The following PRKG1 variants were observed in gnomAD, a reference collection of about 807,000 sequenced individuals.
PRKG1 encodes the protein cGMP-dependent protein kinase 1.
PRKG1 carries 35 observed loss-of-function variants against 88.1 expected under a neutral mutation model. That is an observed-to-expected ratio of 0.40 (90% CI 0.30 to 0.53). The LOEUF is 0.53. Among genes scored for constraint, PRKG1 ranks in the 20% least tolerant of loss-of-function variants. The pLI is 0.59. For missense variants in PRKG1, 540 were observed against 839.8 expected (o/e 0.64, Z 4.41); for synonymous variants, 303 against 292.5 (o/e 1.04, Z -0.37).
intron 2 of PRKG1, among the ~76,000 whole-genome samples, chr10:51,291,708 C>G (rs1840588298): frequency 6.6e-6 from 1 of 152,120 alleles, no homozygotes; most frequent in Admixed American, 6.6e-5. Flanking sequence ...TGGATGTTAG[C>G]TAAAACAGAT....
intron 2 of PRKG1, among the ~76,000 whole-genome samples, chr10:51,360,461 T>C (rs1842455580): frequency 6.6e-6 from 1 of 152,004 alleles, no homozygotes; most frequent in Admixed American, 6.6e-5. Flanking sequence ...TTTCAAGTTC[T>C]AGCTCTGCCT....
chr10:51,731,153 CAACAAACAAACA>C (rs545948349), intron 3 of PRKG1, among the ~76,000 whole-genome samples: 3 of 151,924 alleles, frequency 2.0e-5, no homozygotes, highest in African/African-American at 7.3e-5. Flanking sequence ...CAAAGAAAAA[CAACAAACAAACA>C]AACAAACAAA....
At chr10:51,259,454 G>A (rs1227402739) in intron 2 of PRKG1, among the ~76,000 whole-genome samples, 1 of 152,100 alleles carries the variant, frequency 6.6e-6, no homozygotes, top group Non-Finnish European at 1.5e-5. Context: ...CCTATGGGTT[G>A]GTATCAACCC....
At chr10:51,130,015 G>T (rs1180262457) in intron 1 of PRKG1, among the ~76,000 whole-genome samples, 6 of 152,094 alleles carry the variant, frequency 3.9e-5, no homozygotes, top group Admixed American at 3.3e-4. Flanking sequence ...CTTCTGAGGT[G>T]GACCTTCAAG....
chr10:51,005,753 C>T (rs1297593301), intron 1 of PRKG1, among the ~76,000 whole-genome samples: 2 of 152,186 alleles, frequency 1.3e-5, no homozygotes, highest in Non-Finnish European at 2.9e-5. Flanking sequence ...CAGGGAAAGA[C>T]ACTGGAATTG....
At chr10:51,047,341 G>A (rs945391630) in intron 1 of PRKG1, among the ~76,000 whole-genome samples, 1 of 152,150 alleles carries the variant, frequency 6.6e-6, no homozygotes, top group Non-Finnish European at 1.5e-5. Context: ...CTGTACTTAT[G>A]AGGTTTTTGT....
intron 2 of PRKG1, among the ~76,000 whole-genome samples, chr10:51,350,528 A>T (rs1842216554): frequency 6.6e-6 from 1 of 152,200 alleles, no homozygotes; most frequent in Non-Finnish European, 1.5e-5. Context: ...TTTAGAAAGG[A>T]GGCCCACTTT....
chr10:51,531,808 C>T (rs1842025035), intron 3 of PRKG1, among the ~76,000 whole-genome samples: 1 of 151,778 alleles, frequency 6.6e-6, no homozygotes, highest in East Asian at 1.9e-4. Flanking sequence ...CTGTGCCCGG[C>T]TAATTTTTGT....
chr10:51,497,809 A>C (rs1310137901), intron 3 of PRKG1, among the ~76,000 whole-genome samples: 1 of 152,154 alleles, frequency 6.6e-6, no homozygotes, highest in East Asian at 1.9e-4. Flanking sequence ...ATTAACCCAA[A>C]TTTGGTTATC....
intron 3 of PRKG1, among the ~76,000 whole-genome samples, chr10:51,592,835 A>G (rs566380610): frequency 6.6e-6 from 1 of 152,328 alleles, no homozygotes; most frequent in African/African-American, 2.4e-5. Context: ...TGAAGGGAAC[A>G]TATAGAATGT....
intron 9 of PRKG1, among the ~76,000 whole-genome samples, chr10:52,213,549 G>A (rs1246594287): frequency 1.3e-5 from 2 of 152,192 alleles, no homozygotes; most frequent in Non-Finnish European, 2.9e-5. Context: ...GACATAGGAT[G>A]TGCTTTGTTG....
At chr10:51,966,710 A>G (rs1843575687) in intron 5 of PRKG1, among the ~76,000 whole-genome samples, 2 of 152,208 alleles carry the variant, frequency 1.3e-5, no homozygotes, top group East Asian at 1.9e-4. Context: ...TATTTGTGCA[A>G]AAGAGTCACC....
chr10:51,206,490 TAAAAA>T (rs772696558), intron 2 of PRKG1, among the ~76,000 whole-genome samples: 1 of 126,176 alleles, frequency 7.9e-6, no homozygotes. Flanking sequence ...AAACTCCATC[TAAAAA>T]AAAAAAAAAA....
At chr10:51,501,691 A>T (rs10508946) in intron 3 of PRKG1, among the ~76,000 whole-genome samples, 34,545 of 151,970 alleles carry the variant, frequency 0.23, 4,637 homozygotes, top group Non-Finnish European at 0.31. Flanking sequence ...TTCCTTTAGA[A>T]CTGATGTTAT....
At chr10:51,069,685 TATC>T (rs1289830437), upstream of PRKG1, among the ~76,000 whole-genome samples, 3 of 152,112 alleles carry the variant, frequency 2.0e-5, no homozygotes, top group Non-Finnish European at 4.4e-5. Context: ...TAATAGGTAT[TATC>T]ATTACAGATC....
intron 2 of PRKG1, among the ~76,000 whole-genome samples, chr10:51,310,889 G>A (rs1262108512): frequency 2.0e-5 from 3 of 152,150 alleles, no homozygotes; most frequent in Non-Finnish European, 4.4e-5. Flanking sequence ...GGGAAAGACA[G>A]GTGCAAACTG....
intron 2 of PRKG1, among the ~76,000 whole-genome samples, chr10:51,307,337 G>T (rs1348526463): frequency 1.3e-5 from 2 of 152,042 alleles, no homozygotes; most frequent in Admixed American, 6.6e-5. Flanking sequence ...AGAAAAAGAA[G>T]CTGAGAAGAC....
intron 3 of PRKG1, among the ~76,000 whole-genome samples, chr10:51,712,110 T>C (rs1170987018): frequency 6.6e-6 from 1 of 152,208 alleles, no homozygotes; most frequent in Non-Finnish European, 1.5e-5. Context: ...AATTTTATGC[T>C]AAGTTTGATG....
chr10:51,728,267 A>T (rs557176089), intron 3 of PRKG1, among the ~76,000 whole-genome samples: 1 of 152,188 alleles, frequency 6.6e-6, no homozygotes, highest in South Asian at 2.1e-4. Context: ...CTGTACTAAG[A>T]TATTGCCTAT....
Sources: allele counts gnomAD v4.1 joint callset (sites outside exome capture counted in the v4.1 genomes callset), GRCh38; gene constraint gnomAD v4.1.1; transcripts MANE v1.5; gene names NCBI Gene and HGNC (gene_info 2026-07-23, HGNC 2026-07-21).